Variants in APOBEC3H observed in about 807,000 individuals in gnomAD.
APOBEC3H encodes the protein DNA dC->dU-editing enzyme APOBEC-3H.
Under a neutral mutation model 21.2 loss-of-function variants are expected in APOBEC3H, and 8 were observed. The ratio of observed to expected loss-of-function variants is 0.38; its 90% confidence interval spans 0.22 to 0.68. The LOEUF is 0.68. Among genes scored for constraint, APOBEC3H ranks in the 30% least tolerant of loss-of-function variants. The pLI is 0.52. For missense variants in APOBEC3H, 229 were observed against 228.1 expected, an observed-to-expected ratio of 1.00 and a Z score of -0.03; for synonymous variants, 88 against 91.0, an observed-to-expected ratio of 0.97 and a Z score of 0.19.
At position 39,102,026 on chromosome 22, in the gene APOBEC3H, G is replaced by A. The variant is rs202089098; in HGVS notation, c.527G>A (p.Arg176Gln). The change falls in exon 4 of 5, where the codon CGG becomes CAG. Residue 176 changes from arginine (R) to glutamine (Q), a missense_variant. Coordinates refer to ENST00000442487, the MANE Select transcript of APOBEC3H (RefSeq NM_181773.5). ...AAAAACAGTCGAGCCATAAAGCGACGGCTTGAGAGGATAAAGGTGAGGCAC... is the reference window on the plus strand; with the variant it reads ...AAAAACAGTCGAGCCATAAAGCGACAGCTTGAGAGGATAAAGGTGAGGCAC... Reference protein sequence around the residue: ...LDKNSRAIKRRLERIKQS With the variant: ...LDKNSRAIKRQLERIKQS The A allele has an allele frequency of 2.1e-4, 336 of 1,613,784 alleles. 1 individual carries two copies. Among genetic ancestry groups the A allele is most frequent in the Admixed American group, 1.7e-3 (102 of 59,984 alleles).
At chr22:39,099,841 C>T (rs1929196170) in intron 1 of APOBEC3H, among the ~76,000 whole-genome samples, 1 of 152,146 alleles carries the variant, frequency 6.6e-6, no homozygotes, top group Non-Finnish European at 1.5e-5. Flanking sequence ...AAAGGGGAGA[C>T]CCTCCCTCAC....
chr22:39,097,524 G>C (rs1359486733), intron 1 of APOBEC3H, among the ~76,000 whole-genome samples, 181 bp downstream of exon 1: 1 of 150,158 alleles, frequency 6.7e-6, no homozygotes, highest in Non-Finnish European at 1.5e-5. Context: ...TCACCCCACT[G>C]CTGCTTCTGA....
chr22:39,101,909 C>A lies in APOBEC3H; in HGVS notation c.419-9C>A, dbSNP rs770215789. 1 of 1,613,908 alleles carries A rather than the reference C, an allele frequency of 6.2e-7. No individual in the cohort carries two copies. Among genetic ancestry groups the A allele is most frequent in the Non-Finnish European group, 8.5e-7 (1 of 1,179,906 alleles). Reference sequence around the variant, plus strand: ...CTGGGGCCTGGCTGGTTTCCCTCTTCCCTCTCAGAGTTTGCTGACTGCTGG... The same window carrying A: ...CTGGGGCCTGGCTGGTTTCCCTCTTACCTCTCAGAGTTTGCTGACTGCTGG... On this transcript the variant is annotated splice_polypyrimidine_tract_variant and intron_variant, in intron 3 of 4. Transcript: ENST00000442487.
chr22:39,103,648 C>T (rs139315), intron 4 of APOBEC3H, 41 bp from the exon 5 acceptor site: 752,049 of 1,601,854 alleles, frequency 0.47, 182,481 homozygotes, highest in African/African-American at 0.76. Flanking sequence ...CTGTGGTGTC[C>T]CACCAGTTGG....
At position 39,100,402 on chromosome 22, in the gene APOBEC3H, C is replaced by T. The variant is rs1421709138; in HGVS notation, c.124C>T (p.Pro42Ser). Residue 42 changes from proline (P) to serine (S), a missense_variant, in exon 2 of 5, where the codon CCC becomes TCC. Transcript: ENST00000442487. Reference protein sequence around the residue: ...YQLTPQNGSTPTRGYFENKKK... With the variant: ...YQLTPQNGSTSTRGYFENKKK... ...GCTGACGCCGCAGAATGGCTCCACGCCCACGAGAGGCTACTTTGAAAACAA... is the reference window on the plus strand; with the variant it reads ...GCTGACGCCGCAGAATGGCTCCACGTCCACGAGAGGCTACTTTGAAAACAA... 6.2e-7 allele frequency: 1 copy of T among 1,614,046 alleles called. No individual in the cohort carries two copies. Among genetic ancestry groups the T allele is most frequent in the East Asian group, 2.2e-5 (1 of 44,882 alleles).
At chr22:39,099,802 C>T (rs1182164788) in intron 1 of APOBEC3H, among the ~76,000 whole-genome samples, 1 of 152,164 alleles carries the variant, frequency 6.6e-6, no homozygotes, top group African/African-American at 2.4e-5. Context: ...CCTTCCCCTG[C>T]TCCACTGCAG....
intron 3 of APOBEC3H, 129 bp downstream of exon 3, chr22:39,101,633 C>T (rs1362180594): frequency 3.1e-5 from 6 of 192,952 alleles, no homozygotes; most frequent in Non-Finnish European, 3.7e-5. Context: ...AGGAGGTTGG[C>T]GGGGGGTGGG....
chr22:39,100,639 C>T (rs902262137), intron 2 of APOBEC3H: 54 of 605,326 alleles, frequency 8.9e-5, no homozygotes, highest in South Asian at 5.2e-4. Flanking sequence ...TTCCCGTCCC[C>T]GGACCTCTGA....
At chr22:39,099,072 G>A (rs1277179213) in intron 1 of APOBEC3H, among the ~76,000 whole-genome samples, 4 of 152,108 alleles carry the variant, frequency 2.6e-5, no homozygotes, top group African/African-American at 7.2e-5. Flanking sequence ...GAGGGCGCTT[G>A]TAATTCCAGC....
intron 4 of APOBEC3H, chr22:39,102,532 G>T: frequency 1.4e-6 from 1 of 718,494 alleles, no homozygotes; most frequent in Non-Finnish European, 2.6e-6. Flanking sequence ...TACGTGCGCA[G>T]GGTCGTTACA....
chr22:39,100,696 C>T (rs1929262452), intron 2 of APOBEC3H, among the ~76,000 whole-genome samples: 2 of 152,158 alleles, frequency 1.3e-5, no homozygotes, highest in Non-Finnish European at 2.9e-5. Flanking sequence ...CTCTCATTTA[C>T]TCATTCTCCC....
At position 39,102,674 on chromosome 22, in the gene APOBEC3H, A is replaced by G. The variant is rs144178127; in HGVS notation, c.543+632A>G. 685 of 674,238 alleles carry G rather than the reference A, an allele frequency of 1.0e-3. 8 individuals are homozygous for G. The East Asian group carries it at 0.018, about 18-fold the overall frequency. 41.8% of individuals were successfully genotyped at this position (674,238 alleles called of 1,614,324 possible). On this transcript the variant is annotated intron_variant, in intron 4 of 4. Coordinates refer to ENST00000442487, the MANE Select transcript of APOBEC3H (RefSeq NM_181773.5). ...GGAGTCTCCAGCGTCTATTATTTAC[A>G]TCTTTATGTCCATGTGTACCTCTCA...
At chr22:39,102,962 CAAAAAAAA>C (rs58524849) in intron 4 of APOBEC3H, among the ~76,000 whole-genome samples, 11 of 94,060 alleles carry the variant, frequency 1.2e-4, no homozygotes, top group Non-Finnish European at 1.5e-4. Context: ...GACTCTGTCC[CAAAAAAAA>C]AAAAAAAAAA....
At chr22:39,103,301 A>C (rs951079128) in intron 4 of APOBEC3H, among the ~76,000 whole-genome samples, 1 of 152,142 alleles carries the variant, frequency 6.6e-6, no homozygotes, top group Non-Finnish European at 1.5e-5. Context: ...AATAATAATA[A>C]CCCAAGATGA....
intron 1 of APOBEC3H, among the ~76,000 whole-genome samples, 163 bp from the exon 2 acceptor site, chr22:39,100,109 G>T (rs995559634): frequency 2.0e-5 from 3 of 152,182 alleles, no homozygotes; most frequent in Non-Finnish European, 4.4e-5. Flanking sequence ...GAAGGCGGAG[G>T]TTGCAGTGAG....
chr22:39,101,400 G>T lies in APOBEC3H; in HGVS notation c.314G>T (p.Gly105Val). Residue 105 changes from glycine to valine, a missense_variant, in exon 3 of 5, where the codon GGC becomes GTC. By Grantham distance (109) the Gly-to-Val change is moderately radical. Transcript: ENST00000442487. ...AAGGCTCACGACCATCTGAACCTGG[G>T]CATCTTCGCCTCCCGCCTGTACTAC... ...FIKAHDHLNL[G>V]IFASRLYYHW... is the part of the protein sequence containing the mutation. 1.2e-6 allele frequency: 2 copies of T among 1,611,814 alleles called. No individual in the cohort carries two copies. The highest frequency in any genetic ancestry group is 1.7e-5 in the Admixed American group (1 of 59,700).
intron 2 of APOBEC3H, chr22:39,100,649 A>G: frequency 1.8e-6 from 1 of 569,564 alleles, no homozygotes; most frequent in Non-Finnish European, 3.1e-6. Context: ...CGGACCTCTG[A>G]AGAGGCCAAC....
At chr22:39,100,658 A>C in intron 2 of APOBEC3H, 1 of 539,328 alleles carries the variant, frequency 1.9e-6, no homozygotes, top group Admixed American at 3.1e-5. Flanking sequence ...GAAGAGGCCA[A>C]CCCTTCTGTA....
intron 1 of APOBEC3H, among the ~76,000 whole-genome samples, chr22:39,098,993 C>T (rs1425777287): frequency 6.6e-6 from 1 of 152,050 alleles, no homozygotes; most frequent in African/African-American, 2.4e-5. Context: ...CAAAGGAGTT[C>T]AAGACCAGCC....
Sources: allele counts gnomAD v4.1 joint callset (sites outside exome capture counted in the v4.1 genomes callset), GRCh38; gene constraint gnomAD v4.1.1; transcripts MANE v1.5; gene names NCBI Gene and HGNC (gene_info 2026-07-23, HGNC 2026-07-21).